The following SLC75A1 variants were observed in gnomAD, a reference collection of about 807,000 sequenced individuals.
SLC75A1 encodes the protein solute carrier family 75 member 1.
the SLC75A1 span, chr4:2,933,782 C>T: frequency 5.8e-5 from 92 of 1,595,394 alleles, no homozygotes; most frequent in Non-Finnish European, 7.9e-5. Flanking sequence ...TCCAACAGCC[C>T]GGGCAGCAGG....
At chr4:2,932,610 C>T in the SLC75A1 span, 2 of 1,613,198 alleles carry the variant, frequency 1.2e-6, no homozygotes, top group Middle Eastern at 3.3e-4. Flanking sequence ...CATGCCTTGA[C>T]TGCGGGCCAG....
At chr4:2,931,708 C>G in the SLC75A1 span, 7 of 1,581,512 alleles carry the variant, frequency 4.4e-6, no homozygotes, top group Admixed American at 3.5e-5. Flanking sequence ...GCAGGGCCAC[C>G]CAGGGCAGGG....
At chr4:2,932,405 G>C in the SLC75A1 span, 1 of 1,613,640 alleles carries the variant, frequency 6.2e-7, no homozygotes, top group Non-Finnish European at 8.5e-7. Context: ...ACAGCAGGTC[G>C]GAGGCTGCGA....
the SLC75A1 span, chr4:2,933,825 C>CA: frequency 6.3e-7 from 1 of 1,590,610 alleles, no homozygotes. Flanking sequence ...GGAGGTCCAG[C>CA]AGGAGGCCGA....
chr4:2,932,705 G>A, the SLC75A1 span: 4 of 1,604,892 alleles, frequency 2.5e-6, no homozygotes, highest in East Asian at 4.5e-5. Flanking sequence ...AGGCCAGGAA[G>A]GCCGCAAAGC....
chr4:2,933,510 ACGTCCACCAAACATAGGAC>A, the SLC75A1 span: 1 of 1,553,756 alleles, frequency 6.4e-7, no homozygotes, highest in Non-Finnish European at 8.9e-7. Context: ...GGGCTGGACC[ACGTCCACCAAACATAGGAC>A]CGTAGAGAGC....
At chr4:2,933,180 G>A in the SLC75A1 span, 2 of 1,613,670 alleles carry the variant, frequency 1.2e-6, no homozygotes, top group Non-Finnish European at 1.7e-6. Context: ...CACAGAAACT[G>A]CAGGACAGAG....
chr4:2,934,614 C>A, the SLC75A1 span, among the ~76,000 whole-genome samples: 2 of 95,522 alleles, frequency 2.1e-5, no homozygotes, highest in Non-Finnish European at 2.1e-5. Flanking sequence ...ACCCCGCGCG[C>A]CCCCTACTCC....
the SLC75A1 span, chr4:2,933,668 G>A: frequency 1.2e-6 from 2 of 1,613,490 alleles, no homozygotes; most frequent in African/African-American, 1.3e-5. Context: ...GGGGTCCTAG[G>A]GGATGAGGAA....
the SLC75A1 span, chr4:2,932,490 GAGA>G: frequency 6.2e-7 from 1 of 1,613,742 alleles, no homozygotes; most frequent in Non-Finnish European, 8.5e-7. Flanking sequence ...GAAGCCCAGT[GAGA>G]AGGCCACCCC....
the SLC75A1 span, chr4:2,932,127 A>C: frequency 6.2e-7 from 1 of 1,609,420 alleles, no homozygotes; most frequent in Non-Finnish European, 8.5e-7. Context: ...CAGCCGCATC[A>C]CGGAACCCCA....
the SLC75A1 span, chr4:2,933,752 C>G: frequency 5.0e-6 from 8 of 1,601,644 alleles, no homozygotes; most frequent in Non-Finnish European, 5.1e-6. Flanking sequence ...CAAGGACTCA[C>G]GTGGGCACGG....
chr4:2,933,214 GAGAC>G, the SLC75A1 span: 1 of 1,613,098 alleles, frequency 6.2e-7, no homozygotes, highest in Non-Finnish European at 8.5e-7. Context: ...TGAGACCTGA[GAGAC>G]AGATGTCACC....
chr4:2,931,341 C>G, the SLC75A1 span: 1 of 1,543,526 alleles, frequency 6.5e-7, no homozygotes, highest in Non-Finnish European at 8.7e-7. Context: ...CCCCTGCTGC[C>G]CATCGGATCC....
At chr4:2,933,472 G>C in the SLC75A1 span, 2 of 1,363,890 alleles carry the variant, frequency 1.5e-6, no homozygotes, top group South Asian at 2.4e-5. Flanking sequence ...GAGTGGGAAG[G>C]CAAGGACCGA....
chr4:2,931,689 G>T, the SLC75A1 span: 20 of 1,597,848 alleles, frequency 1.3e-5, no homozygotes, highest in Non-Finnish European at 1.7e-5. Flanking sequence ...TTAGTGCAGG[G>T]CACCCGGGGC....
chr4:2,932,696 GGC>G, the SLC75A1 span: 1 of 1,606,680 alleles, frequency 6.2e-7, no homozygotes, highest in South Asian at 1.1e-5. Flanking sequence ...TCAGCCTGGA[GGC>G]CAGGAAGGCC....
At chr4:2,932,968 C>T in the SLC75A1 span, 1 of 1,029,130 alleles carries the variant, frequency 9.7e-7, no homozygotes. Context: ...CCCCCGAGAA[C>T]CCCCTCCAGG....
chr4:2,934,175 G>A, the SLC75A1 span: 1 of 566,832 alleles, frequency 1.8e-6, no homozygotes, highest in South Asian at 2.1e-5. Flanking sequence ...CAACGGTCCT[G>A]AGAGACCAGG....
Sources: allele counts gnomAD v4.1 joint callset (sites outside exome capture counted in the v4.1 genomes callset), GRCh38; gene constraint gnomAD v4.1.1; transcripts MANE v1.5; gene names NCBI Gene and HGNC (gene_info 2026-07-23, HGNC 2026-07-21).